MGST1: variants seen among roughly 807,000 people sequenced by gnomAD.
MGST1 encodes glutathione S-transferase 12.
A neutral mutation model predicts 8.9 loss-of-function variants in MGST1; 5 were observed. The observed-to-expected ratio is 0.56, with a 90% CI of 0.29 to 1.19. The LOEUF is 1.19. Ranked by LOEUF, MGST1 falls within the 50% of genes most tolerant of loss-of-function variation. The pLI is 0.08. For missense variants in MGST1, 182 were observed against 187.4 expected, an observed-to-expected ratio of 0.97 and a Z score of 0.17; for synonymous variants, 54 against 67.8, an observed-to-expected ratio of 0.80 and a Z score of 1.00.
Position 16,389,344 on chromosome 12 carries a change from TGA to T in MGST1, n.778+5743_778+5744del, listed in dbSNP as rs1940530715. Among the ~76,000 whole-genome samples, 1 of 152,188 alleles carries T rather than the reference TGA, an allele frequency of 6.6e-6. No homozygotes were observed. Among genetic ancestry groups the T allele is most frequent in the South Asian group, 2.1e-4 (1 of 4,822 alleles). ...AGCACAACTTGCCTAAAAATAATGTTGAGAATAGTGGTTAAGTGTCCTGTTTT... is the reference window on the plus strand; with the variant it reads ...AGCACAACTTGCCTAAAAATAATGTTGAATAGTGGTTAAGTGTCCTGTTTT... On this transcript the variant is annotated intron_variant and non_coding_transcript_variant, in intron 1 of 1. Transcript: ENST00000359720. The surrounding 1 kb of genome is among the most constrained non-coding windows in gnomAD (Gnocchi z 4.6).
At chr12:16,443,809 A>C (rs1218361888) in intron 4 of MGST1, among the ~76,000 whole-genome samples, 2 of 151,844 alleles carry the variant, frequency 1.3e-5, no homozygotes, top group Non-Finnish European at 2.9e-5. Context: ...ATCTTGGATT[A>C]TTTTAATCAT....
chr12:16,574,597 G>C (rs928186572), intron 4 of MGST1, among the ~76,000 whole-genome samples: 23 of 152,228 alleles, frequency 1.5e-4, no homozygotes, highest in African/African-American at 5.3e-4. Flanking sequence ...CCCCCTATTT[G>C]TACCACTTTT....
In MGST1 at chr12:16,500,751, G is replaced by C. The variant is rs911422784; in HGVS notation, n.483-88777G>C. 2.0e-5 allele frequency among the ~76,000 whole-genome samples: 3 copies of C among 152,094 alleles called. No homozygotes were observed. The highest frequency in any genetic ancestry group is 7.2e-5 in the African/African-American group (3 of 41,420). On this transcript the variant is annotated intron_variant and non_coding_transcript_variant, in intron 4 of 4. Transcript: ENST00000538857. This position sits in a 1 kb window ranked among gnomAD's most constrained non-coding sequence, Gnocchi z 4.3. The stretch of plus-strand genomic sequence containing the variant: ...TATCTATTAAATATTACTATCATAA[G>C]GGCAAAATCTATAGGGAGAAAAATC...
Position 16,584,294 on chromosome 12 carries a change from T to C in MGST1, n.483-5234T>C, listed in dbSNP as rs1000357048. The stretch of plus-strand genomic sequence containing the variant: ...GGCTTCATGGAATGTGGGATTTACA[T>C]GAGTAAGTAGTACCTTGCACCTGTT... On this transcript the variant is annotated intron_variant and non_coding_transcript_variant, in intron 4 of 4. Transcript: ENST00000538857. This position sits in a 1 kb window ranked among gnomAD's most constrained non-coding sequence, Gnocchi z 5.2. Among the ~76,000 whole-genome samples the C allele has an allele frequency of 1.3e-5, 2 of 152,148 alleles. No homozygotes were observed. The highest frequency in any genetic ancestry group is 4.8e-5 in the African/African-American group (2 of 41,438).
chr12:16,507,012 A>C (rs955523518), intron 4 of MGST1, among the ~76,000 whole-genome samples: 3 of 152,198 alleles, frequency 2.0e-5, no homozygotes, highest in African/African-American at 7.2e-5. Context: ...CAGTGAAAAT[A>C]ATATAGCATA....
In MGST1 at chr12:16,539,975, G is replaced by A. The variant is rs144864910; in HGVS notation, n.483-49553G>A. 2.6e-3 allele frequency among the ~76,000 whole-genome samples: 400 copies of A among 152,250 alleles called. 6 individuals carry two copies. Among genetic ancestry groups the A allele is most frequent in the African/African-American group, 9.1e-3 (379 of 41,558 alleles). On this transcript the variant is annotated intron_variant and non_coding_transcript_variant, in intron 4 of 4. Coordinates refer to the MGST1 transcript ENST00000538857. The stretch of plus-strand genomic sequence containing the variant: ...CTCATACTTGGAAGTCTTTGTGTGT[G>A]TTTGGAATGACTTTCCTTCCTTTCC...
In MGST1 at chr12:16,537,548, G is replaced by T. The variant is rs1239419986; in HGVS notation, n.483-51980G>T. Reference sequence around the variant, plus strand: ...GCCCTAGCAGAGATTCTCCATGAGGGCCCTGCCTCTGCAGCACACTTTTGC... The same window carrying T: ...GCCCTAGCAGAGATTCTCCATGAGGTCCCTGCCTCTGCAGCACACTTTTGC... On this transcript the variant is annotated intron_variant and non_coding_transcript_variant, in intron 4 of 4. Coordinates refer to the MGST1 transcript ENST00000538857. The surrounding 1 kb of genome is among the most constrained non-coding windows in gnomAD (Gnocchi z 4.6). Among the ~76,000 whole-genome samples the T allele has an allele frequency of 1.3e-5, 2 of 152,198 alleles. No individual in the cohort carries two copies. The highest frequency in any genetic ancestry group is 2.9e-5 in the Non-Finnish European group (2 of 68,038).
At chr12:16,579,069 C>G (rs1283383775) in intron 4 of MGST1, among the ~76,000 whole-genome samples, 1 of 152,084 alleles carries the variant, frequency 6.6e-6, no homozygotes, top group South Asian at 2.1e-4. Context: ...CAAACACTCT[C>G]TAGAGCTTAG....
At chr12:16,415,632 A>G (rs1432306439) in intron 1 of MGST1, among the ~76,000 whole-genome samples, 1 of 152,242 alleles carries the variant, frequency 6.6e-6, no homozygotes, top group Non-Finnish European at 1.5e-5. Context: ...CATCTTAAGA[A>G]TACAGTACAT....
downstream of MGST1, among the ~76,000 whole-genome samples, chr12:16,589,766 T>C (rs1943433441): frequency 6.6e-6 from 1 of 152,198 alleles, no homozygotes; most frequent in African/African-American, 2.4e-5. This position sits in a 1 kb window ranked among gnomAD's most constrained non-coding sequence, Gnocchi z 4.2. Context: ...ATTAGGAATA[T>C]AGGTTCCTCA....
chr12:16,570,059 C>A (rs960166741), intron 4 of MGST1, among the ~76,000 whole-genome samples: 3 of 152,108 alleles, frequency 2.0e-5, no homozygotes, highest in Non-Finnish European at 4.4e-5. Context: ...TGATATAGCT[C>A]AGGAAGCTGC....
At chr12:16,428,568 T>C (rs1220702615) in intron 1 of MGST1, among the ~76,000 whole-genome samples, 4 of 151,992 alleles carry the variant, frequency 2.6e-5, no homozygotes, top group Non-Finnish European at 4.4e-5. Context: ...TTCACTGATA[T>C]TGCATCTGTA....
chr12:16,481,516 G>A (rs567443169), intron 4 of MGST1, among the ~76,000 whole-genome samples: 8 of 152,076 alleles, frequency 5.3e-5, no homozygotes, highest in Non-Finnish European at 7.4e-5. Flanking sequence ...AAAAAGATGT[G>A]TAAGAAATAA....
chr12:16,390,465 T>G (rs570539768), intron 1 of MGST1, among the ~76,000 whole-genome samples: 1 of 152,140 alleles, frequency 6.6e-6, no homozygotes, highest in African/African-American at 2.4e-5. Flanking sequence ...CACCCTCAAG[T>G]AGGCCCCAGT....
rs1348740685 is a variant in MGST1 at position 16,559,305 on chromosome 12, A to C, written n.483-30223A>C. On this transcript the variant is annotated intron_variant and non_coding_transcript_variant, in intron 4 of 4. Transcript: ENST00000538857. This position sits in a 1 kb window ranked among gnomAD's most constrained non-coding sequence, Gnocchi z 4.1. ...TATAAAACAGGTGCCAGTAGTATAT[A>C]GTTTTCACAGAAATAAAAAATATAA... is the stretch of plus-strand genomic sequence containing the variant. 1.3e-5 allele frequency among the ~76,000 whole-genome samples: 2 copies of C among 152,230 alleles called. No individual in the cohort carries two copies. Among genetic ancestry groups the C allele is most frequent in the African/African-American group, 4.8e-5 (2 of 41,474 alleles).
intron 3 of MGST1, among the ~76,000 whole-genome samples, chr12:16,375,837 G>A (rs1210425651): frequency 6.6e-6 from 1 of 151,664 alleles, no homozygotes; most frequent in Non-Finnish European, 1.5e-5. Context: ...AGATGAACCT[G>A]GAATATGACT....
intron 3 of MGST1, among the ~76,000 whole-genome samples, chr12:16,374,998 C>T (rs1487159514): frequency 1.3e-5 from 2 of 152,062 alleles, no homozygotes; most frequent in African/African-American, 4.8e-5. Flanking sequence ...CTCCCTCTGC[C>T]GCCTCTTGAG....
chr12:16,446,255 C>G (rs1941078790), intron 4 of MGST1, among the ~76,000 whole-genome samples: 1 of 151,876 alleles, frequency 6.6e-6, no homozygotes, highest in Non-Finnish European at 1.5e-5. Context: ...AAACAAATAG[C>G]TAGAGGTGCA....
In MGST1 at chr12:16,576,041, G is replaced by A. The variant is rs1942985939; in HGVS notation, n.483-13487G>A. On this transcript the variant is annotated intron_variant and non_coding_transcript_variant, in intron 4 of 4. Coordinates refer to the MGST1 transcript ENST00000538857. The surrounding 1 kb of genome is among the most constrained non-coding windows in gnomAD (Gnocchi z 4.1). ...TAGCCCTGCCGCTGTGTTAAAAGGGGATCTGTCCTCTTTTGTCTCAGTAAG... is the reference window on the plus strand; with the variant it reads ...TAGCCCTGCCGCTGTGTTAAAAGGGAATCTGTCCTCTTTTGTCTCAGTAAG... 6.6e-6 allele frequency among the ~76,000 whole-genome samples: 1 copy of A among 152,104 alleles called. No homozygotes were observed. The highest frequency in any genetic ancestry group is 6.6e-5 in the Admixed American group (1 of 15,258).
Sources: gnomAD v4.1 joint callset for allele counts (sites outside exome capture counted in the v4.1 genomes callset) on GRCh38, gnomAD v4.1.1 for gene constraint, Gnocchi (gnomAD v3.1) non-coding constraint, MANE v1.5 for transcripts, NCBI Gene and HGNC (gene_info 2026-07-23, HGNC 2026-07-21) for gene names.